HSPA12B: variants seen among roughly 807,000 people sequenced by gnomAD.
HSPA12B encodes heat shock protein family A (Hsp70) member 12B.
A neutral mutation model predicts 69.3 loss-of-function variants in HSPA12B; 54 were observed. The ratio of observed to expected loss-of-function variants is 0.78; its 90% CI spans 0.63 to 0.98. The LOEUF is 0.98. HSPA12B is among the 50% of genes least tolerant of loss of function. The pLI is 0.00. For synonymous variants in HSPA12B, 441 were observed against 436.5 expected, an observed-to-expected ratio of 1.01 and a Z score of -0.13; for missense variants, 929 against 999.8, an observed-to-expected ratio of 0.93 and a Z score of 0.96.
intron 8 of HSPA12B, among the ~76,000 whole-genome samples, chr20:3,748,779 T>C (rs1460232053): frequency 2.0e-5 from 3 of 151,860 alleles, no homozygotes; most frequent in Non-Finnish European, 4.4e-5. Context: ...GCATCAGCTG[T>C]CCCCTTCACT....
chr20:3,751,650 C>T lies in HSPA12B; in HGVS notation c.1545C>T (p.Asp515=), dbSNP rs1338125954. ...ARGLRVVVPH[D]VGLTILKGAV... is the part of the protein sequence containing the mutation. ...GTCTGCGTGTCGTGGTCCCGCACGA[C>T]GTGGGCCTCACCATCCTCAAAGGCG... Residue 515 remains aspartate (D), a synonymous_variant, in exon 13 of 13, where the codon GAC becomes GAT. Coordinates refer to ENST00000254963, the MANE Select transcript of HSPA12B (RefSeq NM_052970.5). 5 of 1,523,322 alleles carry T rather than the reference C, an allele frequency of 3.3e-6. No individual in the cohort carries two copies. Among genetic ancestry groups the T allele is most frequent in the Non-Finnish European group, 2.6e-6 (3 of 1,139,834 alleles). 94.4% of individuals were successfully genotyped at this position (1,523,322 alleles called of 1,614,324 possible).
chr20:3,742,755 A>T (rs832312), intron 4 of HSPA12B, among the ~76,000 whole-genome samples: 139,584 of 151,152 alleles, frequency 0.92, 64,566 homozygotes, highest in South Asian at 0.99. Flanking sequence ...TGGAGTGCAA[A>T]GGCACGATCT....
chr20:3,740,927 G>A lies in HSPA12B; in HGVS notation c.141+15G>A. On this transcript the variant is annotated intron_variant, in intron 3 of 12. Transcript: ENST00000254963. The surrounding 1 kb of genome is among the most constrained non-coding windows in gnomAD (Gnocchi z 4.9). ...CGCAGTCTCCAGTAAGCCCAGAGCA[G>A]GGACCAGGTGGTGGGTGACCTGGCT... 6.2e-7 allele frequency: 1 copy of A among 1,602,516 alleles called. No individual in the cohort carries two copies. Among genetic ancestry groups the A allele is most frequent in the Non-Finnish European group, 8.5e-7 (1 of 1,173,036 alleles).
At chr20:3,734,962 T>C (rs1243449315) in intron 1 of HSPA12B, among the ~76,000 whole-genome samples, 1 of 151,836 alleles carries the variant, frequency 6.6e-6, no homozygotes, top group Non-Finnish European at 1.5e-5. Flanking sequence ...GGTCTCGAAC[T>C]CCTGAGCTCA....
intron 1 of HSPA12B, among the ~76,000 whole-genome samples, chr20:3,735,772 C>CTT (rs34449307): frequency 2.4e-4 from 36 of 151,878 alleles, no homozygotes; most frequent in Non-Finnish European, 4.6e-4. Context: ...GGCCCAGAGT[C>CTT]TTTTTTTTCT....
In HSPA12B at chr20:3,745,430, A is replaced by T; in HGVS notation, c.454-63A>T. The T allele has an allele frequency of 8.6e-7, 1 of 1,158,058 alleles. No homozygotes were observed. The highest frequency in any genetic ancestry group is 1.3e-6 in the Non-Finnish European group (1 of 764,880). 71.7% of individuals were successfully genotyped at this position (1,158,058 alleles called of 1,614,324 possible). On this transcript the variant is annotated intron_variant, in intron 5 of 12. Coordinates refer to ENST00000254963, the MANE Select transcript of HSPA12B (RefSeq NM_052970.5). The surrounding 1 kb of genome is among the most constrained non-coding windows in gnomAD (Gnocchi z 5.6). ...AGGAAACGGGGTGATTTTAAGAGCG[A>T]GGTCGTCAGGAAATGAGTGCCAAGC...
intron 11 of HSPA12B, among the ~76,000 whole-genome samples, 197 bp downstream of exon 11, chr20:3,750,424 T>C (rs1268098633): frequency 6.6e-6 from 1 of 152,082 alleles, no homozygotes; most frequent in Non-Finnish European, 1.5e-5. Flanking sequence ...ACCCACGGAA[T>C]CCGCAGCCCG....
At position 3,738,630 on chromosome 20, in the gene HSPA12B, C is replaced by T. The variant is rs200617869; in HGVS notation, c.-17-28C>T. 225 of 1,601,820 alleles carry T rather than the reference C, an allele frequency of 1.4e-4. 1 individual carries two copies. The East Asian group carries it at 2.3e-3, about 17-fold the overall frequency. ...AGGGAACAAAGGGACAAATAAATCC[C>T]ACTCTGCTTGTCTGTTCCTGTTGAC... On this transcript the variant is annotated intron_variant, in intron 1 of 12. Coordinates refer to ENST00000254963, the MANE Select transcript of HSPA12B (RefSeq NM_052970.5).
intron 4 of HSPA12B, among the ~76,000 whole-genome samples, chr20:3,743,257 C>T (rs1381550039): frequency 6.7e-6 from 1 of 149,640 alleles, no homozygotes; most frequent in Non-Finnish European, 1.5e-5. Context: ...GATCATAGCT[C>T]ACTGCAGCCT....
At chr20:3,741,787 C>CA (rs759988071) in intron 3 of HSPA12B, among the ~76,000 whole-genome samples, 15 of 152,216 alleles carry the variant, frequency 9.9e-5, no homozygotes, top group Non-Finnish European at 1.8e-4. Context: ...TAGGAGAAGG[C>CA]ACACACTTCT....
At chr20:3,735,873 G>C (rs190234707) in intron 1 of HSPA12B, among the ~76,000 whole-genome samples, 18 of 152,264 alleles carry the variant, frequency 1.2e-4, no homozygotes, top group African/African-American at 4.1e-4. Context: ...CCAGTGCTTA[G>C]CACAGAGCCT....
rs774619824 is a variant in HSPA12B at position 3,740,864 on chromosome 20, G to A, written c.93G>A (p.Arg31=). 2.5e-6 allele frequency: 4 copies of A among 1,613,904 alleles called. No homozygotes were observed. The highest frequency in any genetic ancestry group is 3.4e-6 in the Non-Finnish European group (4 of 1,179,952). The part of the protein sequence containing the change: ...SPVPSPPGSP[R]TQESCGIAPL... ...TGCCTAGCCCACCCGGCTCCCCGAG[G>A]ACCCAGGAAAGCTGCGGCATTGCCC... The change falls in exon 3 of 13, where the codon AGG becomes AGA. Residue 31 remains arginine (R), a synonymous_variant. Coordinates refer to ENST00000254963, the MANE Select transcript of HSPA12B (RefSeq NM_052970.5). This position sits in a 1 kb window ranked among gnomAD's most constrained non-coding sequence, Gnocchi z 4.9.
At chr20:3,735,958 G>A (rs1209229135) in intron 1 of HSPA12B, among the ~76,000 whole-genome samples, 1 of 152,148 alleles carries the variant, frequency 6.6e-6, no homozygotes, top group Admixed American at 6.5e-5. Flanking sequence ...CTCCTCCCTC[G>A]AGACCTTGAT....
intron 8 of HSPA12B, among the ~76,000 whole-genome samples, chr20:3,748,805 GAC>G (rs1451554565): frequency 6.6e-6 from 1 of 151,898 alleles, no homozygotes; most frequent in African/African-American, 2.4e-5. Flanking sequence ...CATCTTCCCC[GAC>G]ACACATCAGC....
rs888323935 is a variant in HSPA12B at position 3,745,821 on chromosome 20, C to T, written c.559-94C>T. 2.5e-6 allele frequency: 3 copies of T among 1,180,392 alleles called. No individual in the cohort carries two copies. The highest frequency in any genetic ancestry group is 3.8e-6 in the Non-Finnish European group (3 of 786,120). The allele number at this position is 1,180,392 out of a possible 1,614,324, so 73.1% of individuals were successfully genotyped here. ...CTTCCAGCTCTGCTGGGAAGTCCTT[C>T]CTGTGATTTGATTAGTACCTCCAGT... On this transcript the variant is annotated intron_variant, in intron 6 of 12. Transcript: ENST00000254963. This position sits in a 1 kb window ranked among gnomAD's most constrained non-coding sequence, Gnocchi z 5.6.
At position 3,737,230 on chromosome 20, in the gene HSPA12B, A is replaced by G. The variant is rs1345603557; in HGVS notation, c.-17-1428A>G. Reference sequence around the variant, plus strand: ...CACACTTTGAGTAACAAAGCTGTTGATGGTTTGAAATATCCTGCCTATAGC... The same window carrying G: ...CACACTTTGAGTAACAAAGCTGTTGGTGGTTTGAAATATCCTGCCTATAGC... On this transcript the variant is annotated intron_variant, in intron 1 of 12. Coordinates refer to ENST00000254963, the MANE Select transcript of HSPA12B (RefSeq NM_052970.5). The surrounding 1 kb of genome is among the most constrained non-coding windows in gnomAD (Gnocchi z 4.1). Among the ~76,000 whole-genome samples the G allele has an allele frequency of 6.6e-6, 1 of 152,152 alleles. No homozygotes were observed. Among genetic ancestry groups the G allele is most frequent in the South Asian group, 2.1e-4 (1 of 4,826 alleles).
At chr20:3,739,475 AG>A (rs1298932398) in intron 2 of HSPA12B, among the ~76,000 whole-genome samples, 5 of 152,228 alleles carry the variant, frequency 3.3e-5, no homozygotes, top group South Asian at 2.1e-4. Flanking sequence ...GACACTCCTC[AG>A]GAAGTCCATT....
intron 7 of HSPA12B, 139 bp from the exon 8 acceptor site, chr20:3,748,078 G>A (rs918135131): frequency 4.0e-6 from 3 of 755,086 alleles, no homozygotes; most frequent in African/African-American, 1.8e-5. Flanking sequence ...GCACAGAGGG[G>A]CCTGAGAGGC....
chr20:3,745,694 G>A lies in HSPA12B; in HGVS notation c.558+97G>A. 1 of 1,143,828 alleles carries A rather than the reference G, an allele frequency of 8.7e-7. No homozygotes were observed. Among genetic ancestry groups the A allele is most frequent in the South Asian group, 1.3e-5 (1 of 78,992 alleles). The allele number at this position is 1,143,828 out of a possible 1,614,324, so 70.9% of individuals were successfully genotyped here. A position where few individuals can be genotyped will look rare whatever the true frequency, so the allele number is the denominator to read the frequency against. On this transcript the variant is annotated intron_variant, in intron 6 of 12. Coordinates refer to ENST00000254963, the MANE Select transcript of HSPA12B (RefSeq NM_052970.5). This position sits in a 1 kb window ranked among gnomAD's most constrained non-coding sequence, Gnocchi z 5.6. ...CCATCCCGTCCCCGACATTGGATGG[G>A]TAGCCACCGCCGGAGCTCAGAGGTC...
Sources: gnomAD v4.1 joint callset for allele counts (sites outside exome capture counted in the v4.1 genomes callset) on GRCh38, gnomAD v4.1.1 for gene constraint, Gnocchi (gnomAD v3.1) non-coding constraint, MANE v1.5 for transcripts, NCBI Gene and HGNC (gene_info 2026-07-23, HGNC 2026-07-21) for gene names.